Variants in RAPGEF1 observed in about 807,000 individuals in gnomAD.
RAPGEF1 encodes the protein Rap guanine nucleotide exchange factor 1.
In RAPGEF1, 33 loss-of-function variants were observed where a neutral mutation model predicts 143.3. The observed-to-expected ratio is 0.23, with a 90% CI of 0.17 to 0.31. The LOEUF is 0.31. Ranked by LOEUF, RAPGEF1 falls within the 10% of genes least tolerant of loss-of-function variation. The probability of loss-of-function intolerance (pLI) is 1.00; values close to 1 mark genes in which losing one functional copy is unlikely to be tolerated. For missense variants in RAPGEF1, 1,199 were observed against 1,645.4 expected (o/e 0.73, Z 4.69); for synonymous variants, 629 against 676.5 (o/e 0.93, Z 1.09).
chr9:131,619,304 C>T (rs573779384), intron 11 of RAPGEF1, 98 bp from the exon 12 acceptor site: 2 of 1,074,986 alleles, frequency 1.9e-6, no homozygotes, highest in African/African-American at 3.3e-5. Context: ...GGTTGCTCTC[C>T]ACATCCTCTA....
chr9:131,680,526 C>G (rs1312908991), intron 1 of RAPGEF1, among the ~76,000 whole-genome samples: 1 of 152,198 alleles, frequency 6.6e-6, no homozygotes, highest in Non-Finnish European at 1.5e-5. Context: ...GAACACCTGG[C>G]CCACCCAGGG....
intron 17 of RAPGEF1, among the ~76,000 whole-genome samples, chr9:131,595,119 C>G (rs960906445): frequency 4.6e-5 from 7 of 152,238 alleles, no homozygotes; most frequent in African/African-American, 1.7e-4. Context: ...CACCGTTCAC[C>G]CCTTCAACAA....
chr9:131,621,112 C>T lies in RAPGEF1; in HGVS notation c.1905+684G>A, dbSNP rs1311948760. Among the ~76,000 whole-genome samples, 1 of 152,266 alleles carries T rather than the reference C, an allele frequency of 6.6e-6. No individual in the cohort carries two copies. The highest frequency in any genetic ancestry group is 1.5e-5 in the Non-Finnish European group (1 of 68,038). ...GTTTGGAGGGATGCCACAGGTACCCCCGATCTGCTCACCCTCCCAGTGCCT... is the reference window on the plus strand; with the variant it reads ...GTTTGGAGGGATGCCACAGGTACCCTCGATCTGCTCACCCTCCCAGTGCCT... On this transcript the variant is annotated intron_variant, in intron 11 of 26. Coordinates refer to ENST00000683357, the MANE Select transcript of RAPGEF1 (RefSeq NM_001377935.1). This position sits in a 1 kb window ranked among gnomAD's most constrained non-coding sequence, Gnocchi z 4.5.
At chr9:131,711,386 C>T (rs1279978638) in intron 1 of RAPGEF1, among the ~76,000 whole-genome samples, 1 of 141,504 alleles carries the variant, frequency 7.1e-6, no homozygotes, top group African/African-American at 2.6e-5. Context: ...GAGACAGAGT[C>T]TCACTCTGTC....
chr9:131,679,204 T>C (rs759585357), intron 1 of RAPGEF1, among the ~76,000 whole-genome samples: 13 of 152,076 alleles, frequency 8.5e-5, no homozygotes, highest in Non-Finnish European at 1.9e-4. Context: ...GGATAGATTA[T>C]AAATGTCTCA....
rs757841385 is a variant in RAPGEF1 at position 131,655,183 on chromosome 9, GC to G, written c.62-4235del. ...GGATCAGATAAACTACCTGCCCTTT[GC>G]AAATTACCTAGGCACCCACTGCGCT... On this transcript the variant is annotated intron_variant, in intron 1 of 26. Transcript: ENST00000683357. This position sits in a 1 kb window ranked among gnomAD's most constrained non-coding sequence, Gnocchi z 4.1. Among the ~76,000 whole-genome samples the G allele has an allele frequency of 4.5e-4, 69 of 152,298 alleles. No homozygotes were observed. The highest frequency in any genetic ancestry group is 7.4e-4 in the Non-Finnish European group (50 of 68,020).
intron 12 of RAPGEF1, among the ~76,000 whole-genome samples, chr9:131,616,875 G>A (rs1049455907): frequency 3.9e-5 from 6 of 152,124 alleles, no homozygotes; most frequent in African/African-American, 9.7e-5. Flanking sequence ...CTGAGGTTCC[G>A]GCATACTGGG....
chr9:131,626,792 C>T (rs1963231298), intron 9 of RAPGEF1, among the ~76,000 whole-genome samples: 1 of 152,164 alleles, frequency 6.6e-6, no homozygotes, highest in African/African-American at 2.4e-5. Context: ...TTTGCCTATA[C>T]AATTCCTTTT....
Position 131,577,887 on chromosome 9 carries a change from G to C in RAPGEF1, c.*1610C>G, listed in dbSNP as rs1951378638. 6.6e-6 allele frequency: 1 copy of C among 152,196 alleles called. No homozygotes were observed. The highest frequency in any genetic ancestry group is 1.5e-5 in the Non-Finnish European group (1 of 68,044). 9.4% of individuals were successfully genotyped at this position (152,196 alleles called of 1,614,324 possible). On this transcript the variant is annotated 3_prime_UTR_variant, in exon 27 of 27. Transcript: ENST00000683357. ...TACAGGACAAACAAAACACGGGAGA[G>C]GGGAAAAAGCCCACATTTTCTTCTT...
chr9:131,708,793 G>A (rs774010530), intron 1 of RAPGEF1, among the ~76,000 whole-genome samples: 5 of 151,256 alleles, frequency 3.3e-5, no homozygotes, highest in African/African-American at 4.9e-5. Flanking sequence ...GTGCAGTGGC[G>A]CAATCTCGGC....
At chr9:131,681,877 C>A (rs898698869) in intron 1 of RAPGEF1, among the ~76,000 whole-genome samples, 11 of 152,274 alleles carry the variant, frequency 7.2e-5, no homozygotes, top group African/African-American at 2.4e-4. Context: ...GATTTTATAG[C>A]TCGGTTACGG....
Position 131,665,471 on chromosome 9 carries a change from T to A in RAPGEF1, c.62-14522A>T, listed in dbSNP as rs543582460. On this transcript the variant is annotated intron_variant, in intron 1 of 26. Transcript: ENST00000683357. The stretch of plus-strand genomic sequence containing the variant: ...TTATTCCTCAAATGGACGACCGCGA[T>A]GGCTTTCTAACTGTCCCCTGCTCCT... Among the ~76,000 whole-genome samples, 4 of 152,148 alleles carry A rather than the reference T, an allele frequency of 2.6e-5. No individual in the cohort carries two copies. The South Asian group carries it at 8.3e-4, about 31-fold the overall frequency.
intron 22 of RAPGEF1, among the ~76,000 whole-genome samples, chr9:131,585,490 G>GC (rs1231159025): frequency 6.6e-6 from 1 of 152,228 alleles, no homozygotes; most frequent in Non-Finnish European, 1.5e-5. Flanking sequence ...CCTCTGTGCA[G>GC]CCAGGCCCTG....
At position 131,627,904 on chromosome 9, in the gene RAPGEF1, G is replaced by A. The variant is rs764228572; in HGVS notation, c.1201+9C>T. On this transcript the variant is annotated intron_variant, in intron 9 of 26. Coordinates refer to ENST00000683357, the MANE Select transcript of RAPGEF1 (RefSeq NM_001377935.1). ...GACACGATGGAACAGGAGGATGGTGGCGGCTCACCTAGTGTTTCACAGCTT... is the reference window on the plus strand; with the variant it reads ...GACACGATGGAACAGGAGGATGGTGACGGCTCACCTAGTGTTTCACAGCTT... 1.3e-6 allele frequency: 2 copies of A among 1,574,530 alleles called. No homozygotes were observed. Among genetic ancestry groups the A allele is most frequent in the Non-Finnish European group, 1.7e-6 (2 of 1,160,580 alleles).
At position 131,671,178 on chromosome 9, in the gene RAPGEF1, G is replaced by T. The variant is rs1426164268; in HGVS notation, c.62-20229C>A. 3.9e-5 allele frequency among the ~76,000 whole-genome samples: 6 copies of T among 152,180 alleles called. No homozygotes were observed. In the East Asian group the frequency reaches 1.2e-3, roughly 29 times the overall value. On this transcript the variant is annotated intron_variant, in intron 1 of 26. Coordinates refer to ENST00000683357, the MANE Select transcript of RAPGEF1 (RefSeq NM_001377935.1). ...GGAAATAGTGATCGTTTTTCAAGAG[G>T]GAATCTCATTTTTCATTGCTCTCCC...
chr9:131,615,552 G>A (rs879410381), intron 12 of RAPGEF1, among the ~76,000 whole-genome samples: 16 of 152,292 alleles, frequency 1.1e-4, no homozygotes, highest in Admixed American at 6.5e-4. Flanking sequence ...GCAAACAGTC[G>A]AGTCCAGGCC....
intron 1 of RAPGEF1, among the ~76,000 whole-genome samples, chr9:131,716,055 AC>A (rs1835842266): frequency 6.6e-6 from 1 of 152,044 alleles, no homozygotes; most frequent in South Asian, 2.1e-4. Flanking sequence ...TGTGTCAACA[AC>A]TACATATGCT....
intron 3 of RAPGEF1, among the ~76,000 whole-genome samples, chr9:131,647,138 T>C (rs1969877641): frequency 6.6e-6 from 1 of 152,246 alleles, no homozygotes; most frequent in Non-Finnish European, 1.5e-5. Flanking sequence ...ACTGCTAGAC[T>C]TGTTAAAAGG....
chr9:131,597,264 T>TAGA (rs1483610859), intron 16 of RAPGEF1, among the ~76,000 whole-genome samples: 1 of 152,176 alleles, frequency 6.6e-6, no homozygotes, highest in Non-Finnish European at 1.5e-5. Flanking sequence ...GAGATTGTCT[T>TAGA]GGGTTTACCT....
Sources: allele counts gnomAD v4.1 joint callset (sites outside exome capture counted in the v4.1 genomes callset), GRCh38; gene constraint gnomAD v4.1.1; non-coding constraint Gnocchi (gnomAD v3.1); transcripts MANE v1.5; gene names NCBI Gene and HGNC (gene_info 2026-07-23, HGNC 2026-07-21).